IGSF21: variants seen among roughly 807,000 people sequenced by gnomAD.
The protein encoded by IGSF21 is immunoglobin superfamily member 21.
IGSF21 carries 28 observed loss-of-function variants against 46.8 expected under a neutral mutation model. The observed-to-expected ratio is 0.60, with a 90% CI of 0.44 to 0.82. IGSF21 has a LOEUF of 0.82. Among genes scored for constraint, IGSF21 ranks in the 40% least tolerant of loss-of-function variants. The pLI, the probability that IGSF21 is intolerant of heterozygous loss-of-function variation, is 0.00. For missense variants in IGSF21, 624 were observed against 665.5 expected (o/e 0.94, Z 0.69); for synonymous variants, 284 against 273.6 (o/e 1.04, Z -0.38).
In IGSF21 at chr1:18,231,933, G is replaced by GTGTA. The variant is rs1392466277; in HGVS notation, c.183+3926_183+3927insATGT. Among the ~76,000 whole-genome samples the GTGTA allele has an allele frequency of 4.0e-5, 6 of 149,932 alleles. No individual in the cohort carries two copies. In the South Asian group the frequency reaches 1.1e-3, roughly 26 times the overall value. ...TGACATCATTAGATCGTGTGTGTGT[G>GTGTA]TGTGTGTGTGTGTGTGTGTGTGTGT... On this transcript the variant is annotated intron_variant, in intron 2 of 9. Coordinates refer to ENST00000251296, the MANE Select transcript of IGSF21 (RefSeq NM_032880.5).
chr1:18,310,345 A>G (rs1391524266), intron 3 of IGSF21, among the ~76,000 whole-genome samples: 1 of 152,116 alleles, frequency 6.6e-6, no homozygotes, highest in African/African-American at 2.4e-5. Flanking sequence ...TTTTGTATGA[A>G]CTTAGACTAG....
intron 2 of IGSF21, chr1:18,278,933 A>G (rs1236712933): frequency 8.5e-6 from 4 of 471,202 alleles, no homozygotes; most frequent in Non-Finnish European, 1.8e-5. Flanking sequence ...ACTTTCCTGC[A>G]TGTTGGGAAA....
In IGSF21 at chr1:18,161,218, C is replaced by T. The variant is rs148996944; in HGVS notation, c.70+53020C>T. On this transcript the variant is annotated intron_variant, in intron 1 of 9. Transcript: ENST00000251296. ...CTCCACAGAGTCCCTACGGGGCCCT[C>T]CCAGCCTCCACTGGCATGAACGAGA... 5.1e-3 allele frequency among the ~76,000 whole-genome samples: 781 copies of T among 152,280 alleles called. 9 individuals carry two copies. The highest frequency in any genetic ancestry group is 0.018 in the African/African-American group (753 of 41,562).
intron 6 of IGSF21, among the ~76,000 whole-genome samples, chr1:18,366,050 G>T (rs1229611260): frequency 6.6e-6 from 1 of 151,682 alleles, no homozygotes; most frequent in East Asian, 2.0e-4. Flanking sequence ...TTCTGGAAGG[G>T]TCAGAAACAA....
intron 3 of IGSF21, among the ~76,000 whole-genome samples, chr1:18,315,433 A>G (rs1369914237): frequency 6.6e-6 from 1 of 152,206 alleles, no homozygotes; most frequent in Non-Finnish European, 1.5e-5. Context: ...CAGGTCCATC[A>G]GGGCAGGAAT....
At chr1:18,266,926 A>T (rs2084994949) in intron 2 of IGSF21, among the ~76,000 whole-genome samples, 1 of 152,126 alleles carries the variant, frequency 6.6e-6, no homozygotes, top group African/African-American at 2.4e-5. Flanking sequence ...ACTGAAAGGG[A>T]GACCCAGCAA....
In IGSF21 at chr1:18,335,918, A is replaced by C. The variant is rs2085761315; in HGVS notation, c.424+908A>C. On this transcript the variant is annotated intron_variant, in intron 4 of 9. Coordinates refer to ENST00000251296, the MANE Select transcript of IGSF21 (RefSeq NM_032880.5). This position sits in a 1 kb window ranked among gnomAD's most constrained non-coding sequence, Gnocchi z 4.8. ...CCACAATGCAGGAGGTGGCATTGCC[A>C]GGAAAAGCCCCTCTCTCGCAGTTAC... Among the ~76,000 whole-genome samples the C allele has an allele frequency of 6.6e-6, 1 of 152,178 alleles. No individual in the cohort carries two copies. Among genetic ancestry groups the C allele is most frequent in the Admixed American group, 6.5e-5 (1 of 15,286 alleles).
At chr1:18,172,316 T>C (rs2086745122) in intron 1 of IGSF21, among the ~76,000 whole-genome samples, 1 of 152,252 alleles carries the variant, frequency 6.6e-6, no homozygotes. Context: ...AAGGCACTTA[T>C]GTACATATTA....
intron 3 of IGSF21, among the ~76,000 whole-genome samples, chr1:18,318,796 T>C (rs540328350): frequency 1.4e-4 from 22 of 152,352 alleles, no homozygotes; most frequent in South Asian, 1.2e-3. Context: ...ACTATGTTTT[T>C]AATTAAATCA....
At chr1:18,214,203 G>T (rs758205499) in intron 1 of IGSF21, among the ~76,000 whole-genome samples, 3 of 152,214 alleles carry the variant, frequency 2.0e-5, no homozygotes, top group Non-Finnish European at 2.9e-5. Context: ...AGGGGAATTT[G>T]ATTAGTTTGC....
chr1:18,359,453 A>G (rs2086074249), intron 4 of IGSF21, among the ~76,000 whole-genome samples: 3 of 145,336 alleles, frequency 2.1e-5, no homozygotes, highest in Non-Finnish European at 3.0e-5. Context: ...AGAGAAAGAA[A>G]GAAAGAAAGG....
chr1:18,174,321 G>A (rs2086773481), intron 1 of IGSF21, among the ~76,000 whole-genome samples: 1 of 152,186 alleles, frequency 6.6e-6, no homozygotes, highest in African/African-American at 2.4e-5. Context: ...AGCAGCCCGT[G>A]TCTAAGCGTC....
At chr1:18,372,348 G>A (rs979611884) in intron 6 of IGSF21, among the ~76,000 whole-genome samples, 3 of 152,186 alleles carry the variant, frequency 2.0e-5, no homozygotes, top group Non-Finnish European at 2.9e-5. Flanking sequence ...AACAGTGACC[G>A]GGAATAGTGA....
chr1:18,247,630 G>T lies in IGSF21; in HGVS notation c.183+19620G>T, dbSNP rs561000889. 5.6e-4 allele frequency among the ~76,000 whole-genome samples: 86 copies of T among 152,240 alleles called. 1 individual carries two copies. In the Middle Eastern group the frequency reaches 0.031, roughly 54 times the overall value. On this transcript the variant is annotated intron_variant, in intron 2 of 9. Transcript: ENST00000251296. ...AAGTAACGCCCCTGGATGGGGTATC[G>T]CAGGGAGAAAATGACATCACTCTGG...
At chr1:18,276,914 A>G (rs1002150455) in intron 2 of IGSF21, among the ~76,000 whole-genome samples, 2 of 152,144 alleles carry the variant, frequency 1.3e-5, no homozygotes, top group Non-Finnish European at 2.9e-5. Context: ...GGACACTCAT[A>G]CATACAAATT....
At chr1:18,221,522 C>T (rs2084510207) in intron 1 of IGSF21, among the ~76,000 whole-genome samples, 1 of 152,084 alleles carries the variant, frequency 6.6e-6, no homozygotes, top group South Asian at 2.1e-4. Flanking sequence ...CAGGAGAGTT[C>T]CTGGGTGTAG....
At chr1:18,369,846 C>G (rs1011537728) in intron 6 of IGSF21, among the ~76,000 whole-genome samples, 2 of 152,214 alleles carry the variant, frequency 1.3e-5, no homozygotes, top group Admixed American at 1.3e-4. Flanking sequence ...CTGTTTGTGC[C>G]TCTTCTCAGT....
chr1:18,147,568 G>A lies in IGSF21; in HGVS notation c.70+39370G>A, dbSNP rs373930754. Among the ~76,000 whole-genome samples the A allele has an allele frequency of 1.1e-3, 174 of 151,698 alleles. No individual in the cohort carries two copies. The South Asian group carries it at 0.023, about 20-fold the overall frequency. Reference sequence around the variant, plus strand: ...TTTCCCTTTATATGAATACATCTGAGCCATCTGTCAGGACACTGCTTGCTA... The same window carrying A: ...TTTCCCTTTATATGAATACATCTGAACCATCTGTCAGGACACTGCTTGCTA... On this transcript the variant is annotated intron_variant, in intron 1 of 9. Coordinates refer to ENST00000251296, the MANE Select transcript of IGSF21 (RefSeq NM_032880.5).
At chr1:18,286,913 G>T (rs1226992010) in intron 2 of IGSF21, among the ~76,000 whole-genome samples, 1 of 152,194 alleles carries the variant, frequency 6.6e-6, no homozygotes, top group Non-Finnish European at 1.5e-5. Flanking sequence ...CAGGCACAGT[G>T]GCTCACGCCT....
Sources: gnomAD v4.1 joint callset for allele counts (sites outside exome capture counted in the v4.1 genomes callset) on GRCh38, gnomAD v4.1.1 for gene constraint, Gnocchi (gnomAD v3.1) non-coding constraint, MANE v1.5 for transcripts, NCBI Gene and HGNC (gene_info 2026-07-23, HGNC 2026-07-21) for gene names.